Variants in PRIM2 observed in about 807,000 individuals in gnomAD.
PRIM2 encodes DNA primase subunit 2, also known as DNA primase large subunit.
A neutral mutation model predicts 67.3 loss-of-function variants in PRIM2; 39 were observed. The observed-to-expected ratio is 0.58, with a 90% CI of 0.45 to 0.76. The LOEUF is 0.76. Among genes scored for constraint, PRIM2 ranks in the 30% least tolerant of loss-of-function variants. The pLI is 0.00. For synonymous variants in PRIM2, 143 were observed against 198.7 expected, an observed-to-expected ratio of 0.72 and a Z score of 2.36; for missense variants, 398 against 598.7, an observed-to-expected ratio of 0.66 and a Z score of 3.50.
chr6:57,505,942 A>G (rs1405562984), intron 7 of PRIM2, among the ~76,000 whole-genome samples: 1 of 152,110 alleles, frequency 6.6e-6, no homozygotes, highest in Non-Finnish European at 1.5e-5. Flanking sequence ...TTTAGAACAC[A>G]GCTTTGGTTC....
intron 8 of PRIM2, among the ~76,000 whole-genome samples, chr6:57,522,646 A>G (rs1360822920): frequency 6.6e-6 from 1 of 152,102 alleles, no homozygotes; most frequent in Non-Finnish European, 1.5e-5. Context: ...GTGCCACCAC[A>G]CCCAGCTCAA....
intron 5 of PRIM2, among the ~76,000 whole-genome samples, chr6:57,333,491 T>G (rs1171851055): frequency 6.6e-6 from 1 of 152,194 alleles, no homozygotes; most frequent in Non-Finnish European, 1.5e-5. Flanking sequence ...GTCTGCACCT[T>G]TTTTCACTTT....
chr6:57,504,081 C>G (rs1253240634), intron 7 of PRIM2, among the ~76,000 whole-genome samples: 1 of 152,220 alleles, frequency 6.6e-6, no homozygotes, highest in Non-Finnish European at 1.5e-5. Flanking sequence ...GCCATGCCAG[C>G]AACTAGTTGC....
intron 13 of PRIM2, among the ~76,000 whole-genome samples, chr6:57,633,399 T>C (rs1459487666): frequency 6.6e-6 from 1 of 152,346 alleles, no homozygotes; most frequent in South Asian, 2.1e-4. Flanking sequence ...TTTGTTGAAA[T>C]CATCATCAGC....
the PRIM2 span, among the ~76,000 whole-genome samples, chr6:57,299,498 G>C: frequency 2.6e-5 from 4 of 152,094 alleles, no homozygotes; most frequent in African/African-American, 9.7e-5. Flanking sequence ...AATTGTCCTG[G>C]ACTAAAATGT....
intron 10 of PRIM2, among the ~76,000 whole-genome samples, chr6:57,561,630 A>G (rs1775632432): frequency 6.6e-6 from 1 of 152,218 alleles, no homozygotes; most frequent in African/African-American, 2.4e-5. Context: ...GCTTTCACTT[A>G]GGGGAATGTT....
the PRIM2 span, among the ~76,000 whole-genome samples, chr6:57,307,737 A>G: frequency 1.9e-4 from 29 of 152,280 alleles, no homozygotes; most frequent in Admixed American, 1.7e-3. Flanking sequence ...GAGAGAAGCA[A>G]TGACAGGTTG....
intron 10 of PRIM2, among the ~76,000 whole-genome samples, chr6:57,557,529 A>G (rs1378253183): frequency 4.5e-4 from 69 of 152,314 alleles, no homozygotes; most frequent in African/African-American, 1.7e-3. Context: ...AGAAAATCAA[A>G]TGCTGCACAT....
intron 6 of PRIM2, among the ~76,000 whole-genome samples, chr6:57,381,185 T>C (rs1403268580): frequency 6.6e-6 from 1 of 152,218 alleles, no homozygotes; most frequent in East Asian, 1.9e-4. Context: ...GTTGTAGAAA[T>C]AGGTAAATTA....
intron 5 of PRIM2, among the ~76,000 whole-genome samples, chr6:57,327,500 C>G (rs915903762): frequency 6.6e-6 from 1 of 152,142 alleles, no homozygotes; most frequent in South Asian, 2.1e-4. Context: ...CGTTTAGTGT[C>G]AAATATATGC....
intron 7 of PRIM2, among the ~76,000 whole-genome samples, chr6:57,476,504 C>A (rs1163334607): frequency 2.0e-5 from 3 of 152,108 alleles, no homozygotes; most frequent in African/African-American, 7.2e-5. Context: ...TCATCTGCTT[C>A]AGTTAGATAT....
intron 5 of PRIM2, among the ~76,000 whole-genome samples, chr6:57,345,901 T>C (rs1768660058): frequency 6.6e-6 from 1 of 152,208 alleles, no homozygotes; most frequent in Non-Finnish European, 1.5e-5. Context: ...TTTTAGACTA[T>C]ATAGGGTAAT....
intron 10 of PRIM2, among the ~76,000 whole-genome samples, chr6:57,558,243 A>G (rs1337955862): frequency 1.3e-5 from 2 of 152,248 alleles, no homozygotes; most frequent in Non-Finnish European, 2.9e-5. Flanking sequence ...CAAATGATCA[A>G]TAAAATGCCC....
intron 10 of PRIM2, among the ~76,000 whole-genome samples, chr6:57,565,620 C>T (rs1468355658): frequency 5.5e-4 from 84 of 152,314 alleles, no homozygotes; most frequent in Non-Finnish European, 1.0e-3. Flanking sequence ...TGCCCTCCTA[C>T]ATTGGGGAGA....
intron 5 of PRIM2, among the ~76,000 whole-genome samples, chr6:57,362,282 C>A (rs1366821913): frequency 6.6e-6 from 1 of 152,128 alleles, no homozygotes; most frequent in African/African-American, 2.4e-5. Flanking sequence ...TTTAGTAACA[C>A]CTGACTTATT....
the PRIM2 span, among the ~76,000 whole-genome samples, chr6:57,224,956 G>C: frequency 6.6e-6 from 1 of 152,186 alleles, no homozygotes; most frequent in African/African-American, 2.4e-5. Context: ...CCCACACTAG[G>C]AGGAGGAGAT....
At chr6:57,331,412 A>C (rs1389699346) in intron 5 of PRIM2, among the ~76,000 whole-genome samples, 1 of 152,134 alleles carries the variant, frequency 6.6e-6, no homozygotes, top group Non-Finnish European at 1.5e-5. Context: ...TATTAGGATC[A>C]TATTGGCCTC....
At chr6:57,441,791 A>T in intron 7 of PRIM2, among the ~76,000 whole-genome samples, 1 of 152,192 alleles carries the variant, frequency 6.6e-6, no homozygotes, top group Non-Finnish European at 1.5e-5. Flanking sequence ...AATTATTTGC[A>T]TCTCAATTAG....
At chr6:57,574,947 T>G (rs1775934926) in intron 10 of PRIM2, among the ~76,000 whole-genome samples, 2 of 152,174 alleles carry the variant, frequency 1.3e-5, no homozygotes, top group Non-Finnish European at 1.5e-5. Flanking sequence ...GGCATTGTTG[T>G]GGGTGCTTAA....
Sources: gnomAD v4.1 joint callset for allele counts (sites outside exome capture counted in the v4.1 genomes callset) on GRCh38, gnomAD v4.1.1 for gene constraint, MANE v1.5 for transcripts, NCBI Gene and HGNC (gene_info 2026-07-23, HGNC 2026-07-21) for gene names.